Variants in NUBPL observed in about 807,000 individuals in gnomAD.
NUBPL encodes the protein NUBP iron-sulfur cluster assembly factor, mitochondrial, also known as iron-sulfur cluster transfer protein NUBPL.
A neutral mutation model predicts 45.7 loss-of-function variants in NUBPL; 31 were observed. The observed-to-expected ratio is 0.68, with a 90% CI of 0.51 to 0.92. The LOEUF is 0.92. Ranked by LOEUF, NUBPL falls within the 40% of genes least tolerant of loss-of-function variation. The pLI is 0.00. For synonymous variants in NUBPL, 144 were observed against 140.9 expected, an observed-to-expected ratio of 1.02 and a Z score of -0.15; for missense variants, 401 against 398.7, an observed-to-expected ratio of 1.01 and a Z score of -0.05.
intron 3 of NUBPL, among the ~76,000 whole-genome samples, chr14:31,571,695 C>T (rs8005303): frequency 0.41 from 61,584 of 151,932 alleles, 14,145 homozygotes; most frequent in East Asian, 0.59. Flanking sequence ...GGTGATCTGC[C>T]CACCTCGGCC....
At position 31,574,582 on chromosome 14, in the gene NUBPL, CTTTTTTTTTTTTT is replaced by C. The variant is rs71115022; in HGVS notation, c.291+9545_291+9557del. On this transcript the variant is annotated intron_variant, in intron 3 of 10. Coordinates refer to ENST00000281081, the MANE Select transcript of NUBPL (RefSeq NM_025152.3). ...GCCTGGCCTACTCGATTCTTTCCTTCTTTTTTTTTTTTTTTTTTTTTTTGGAGAGATGGAGTCT... is the reference window on the plus strand; with the variant it reads ...GCCTGGCCTACTCGATTCTTTCCTTCTTTTTTTTTTGGAGAGATGGAGTCT... 6.0e-4 allele frequency among the ~76,000 whole-genome samples: 40 copies of C among 66,956 alleles called. 1 individual carries two copies. The highest frequency in any genetic ancestry group is 2.1e-3 in the African/African-American group (34 of 15,854). The allele number at this position is 66,956 out of a possible 152,430, so 43.9% of individuals were successfully genotyped here. A position where few individuals can be genotyped will look rare whatever the true frequency, so the allele number is the denominator to read the frequency against.
chr14:31,691,847 T>G (rs1027115840), intron 6 of NUBPL, among the ~76,000 whole-genome samples: 12 of 152,324 alleles, frequency 7.9e-5, no homozygotes, highest in African/African-American at 2.6e-4. Context: ...GAAGGATAAC[T>G]TATTTTTTAG....
intron 7 of NUBPL, among the ~76,000 whole-genome samples, chr14:31,822,264 C>T (rs1297647054): frequency 6.6e-6 from 1 of 152,032 alleles, no homozygotes; most frequent in Admixed American, 6.6e-5. Context: ...GGTTATTACA[C>T]ATTGCATGCC....
chr14:31,739,374 C>T lies in NUBPL; in HGVS notation c.514-48406C>T, dbSNP rs140301476. ...TGCTGGGATTACAGGCATGAGCCAC[C>T]GTGCCTGGCCAAGTGTAGAGTTTTT... On this transcript the variant is annotated intron_variant, in intron 6 of 10. Coordinates refer to ENST00000281081, the MANE Select transcript of NUBPL (RefSeq NM_025152.3). 1.6e-3 allele frequency among the ~76,000 whole-genome samples: 241 copies of T among 151,434 alleles called. 4 individuals carry two copies. The East Asian group carries it at 0.04, about 25-fold the overall frequency.
chr14:31,804,079 A>G (rs1189765513), intron 7 of NUBPL, among the ~76,000 whole-genome samples: 2 of 152,136 alleles, frequency 1.3e-5, no homozygotes, highest in Non-Finnish European at 2.9e-5. Flanking sequence ...ATTTAAGAAG[A>G]AATAAACTCT....
At position 31,599,284 on chromosome 14, in the gene NUBPL, T is replaced by C; in HGVS notation, c.292-5T>C. On this transcript the variant is annotated splice_polypyrimidine_tract_variant and splice_region_variant and intron_variant, in intron 3 of 10. Coordinates refer to ENST00000281081, the MANE Select transcript of NUBPL (RefSeq NM_025152.3). ...TGTTTTATATTTTTATTTATTTTTT[T>C]ACAGTCCAAGGCCATTGGTTTGCTA... 1 of 1,599,172 alleles carries C rather than the reference T, an allele frequency of 6.3e-7. No individual in the cohort carries two copies. Among genetic ancestry groups the C allele is most frequent in the African/African-American group, 1.3e-5 (1 of 74,732 alleles).
intron 6 of NUBPL, among the ~76,000 whole-genome samples, chr14:31,756,829 C>T (rs1003587456): frequency 6.6e-6 from 1 of 151,680 alleles, no homozygotes; most frequent in Non-Finnish European, 1.5e-5. Flanking sequence ...ATGATATTGG[C>T]TGTGGGTTTG....
Position 31,698,917 on chromosome 14 carries a change from C to A in NUBPL, c.513+25343C>A, listed in dbSNP as rs190608452. 4.7e-3 allele frequency among the ~76,000 whole-genome samples: 719 copies of A among 151,604 alleles called. 7 individuals are homozygous for A. The highest frequency in any genetic ancestry group is 0.017 in the African/African-American group (700 of 41,272). On this transcript the variant is annotated intron_variant, in intron 6 of 10. Transcript: ENST00000281081. ...TCACCCAGGCTGGAGTGCAGTGGCA[C>A]GATCTCGGCTCACTGCAACCTCCGC... is the stretch of plus-strand genomic sequence containing the variant.
At chr14:31,578,807 G>T (rs2033787062) in intron 3 of NUBPL, among the ~76,000 whole-genome samples, 1 of 152,192 alleles carries the variant, frequency 6.6e-6, no homozygotes, top group South Asian at 2.1e-4. Flanking sequence ...GCAGCTTGTT[G>T]TAATTCAGTG....
intron 6 of NUBPL, among the ~76,000 whole-genome samples, chr14:31,772,222 A>G (rs1274193458): frequency 6.6e-6 from 1 of 152,230 alleles, no homozygotes; most frequent in Non-Finnish European, 1.5e-5. Context: ...AGGTTAATAC[A>G]GTGATTGATT....
intron 7 of NUBPL, among the ~76,000 whole-genome samples, chr14:31,797,873 C>T (rs975187838): frequency 4.5e-5 from 6 of 132,460 alleles, no homozygotes; most frequent in Non-Finnish European, 7.9e-5. Flanking sequence ...CGGCTGGTAC[C>T]GGTTGTTCCT....
At chr14:31,833,407 G>GT (rs1276888739) in intron 8 of NUBPL, among the ~76,000 whole-genome samples, 1 of 151,906 alleles carries the variant, frequency 6.6e-6, no homozygotes, top group Non-Finnish European at 1.5e-5. Context: ...AAACACTACT[G>GT]TTTTTTGAGA....
At chr14:31,651,077 A>G (rs2035990987) in intron 4 of NUBPL, among the ~76,000 whole-genome samples, 2 of 152,292 alleles carry the variant, frequency 1.3e-5, no homozygotes, top group Admixed American at 6.5e-5. Context: ...ACATTTCAAC[A>G]TGAGATTTGG....
intron 4 of NUBPL, among the ~76,000 whole-genome samples, chr14:31,648,076 A>C (rs981038631): frequency 6.6e-6 from 1 of 152,218 alleles, no homozygotes; most frequent in Non-Finnish European, 1.5e-5. Flanking sequence ...ATAAGCTAAA[A>C]ACTGATTTTT....
At chr14:31,641,670 A>G (rs1303215704) in intron 4 of NUBPL, among the ~76,000 whole-genome samples, 1 of 151,994 alleles carries the variant, frequency 6.6e-6, no homozygotes, top group Non-Finnish European at 1.5e-5. Context: ...TGATATATTG[A>G]TTTTCTTTAT....
At chr14:31,792,879 C>A (rs2039408389) in intron 7 of NUBPL, among the ~76,000 whole-genome samples, 1 of 152,100 alleles carries the variant, frequency 6.6e-6, no homozygotes, top group African/African-American at 2.4e-5. Context: ...AATGATTCAG[C>A]TCCCAAGATT....
At chr14:31,806,228 C>G (rs943165520) in intron 7 of NUBPL, among the ~76,000 whole-genome samples, 2 of 152,074 alleles carry the variant, frequency 1.3e-5, no homozygotes, top group African/African-American at 4.8e-5. Flanking sequence ...GTCTCTATTC[C>G]TTTATTTCCT....
chr14:31,712,578 C>A (rs1187341962), intron 6 of NUBPL, among the ~76,000 whole-genome samples: 1 of 152,214 alleles, frequency 6.6e-6, no homozygotes, highest in Non-Finnish European at 1.5e-5. Context: ...AGAGAGGGGC[C>A]CCCACAGCAC....
At chr14:31,661,734 G>A (rs1490741444) in intron 4 of NUBPL, among the ~76,000 whole-genome samples, 3 of 152,108 alleles carry the variant, frequency 2.0e-5, no homozygotes, top group Non-Finnish European at 2.9e-5. Flanking sequence ...TAGAGACGGG[G>A]TTTCACCATG....
Sources: gnomAD v4.1 joint callset for allele counts (sites outside exome capture counted in the v4.1 genomes callset) on GRCh38, gnomAD v4.1.1 for gene constraint, MANE v1.5 for transcripts, NCBI Gene and HGNC (gene_info 2026-07-23, HGNC 2026-07-21) for gene names.